Variants in PLXNA4 observed in about 807,000 individuals in gnomAD.
PLXNA4 encodes the protein plexin-A4.
PLXNA4 carries 44 observed loss-of-function variants against 191.8 expected under a neutral mutation model. That is an observed-to-expected ratio of 0.23 (90% CI 0.18 to 0.29). The LOEUF (loss-of-function observed/expected upper bound fraction) is 0.29, where lower values mean the gene tolerates loss of function less well. Ranked by LOEUF, PLXNA4 falls within the 10% of genes least tolerant of loss-of-function variation. PLXNA4 has a pLI of 1.00. For synonymous variants in PLXNA4, 1,082 were observed against 1,009.5 expected, an observed-to-expected ratio of 1.07 and a Z score of -1.36; for missense variants, 1,800 against 2,488.8, an observed-to-expected ratio of 0.72 and a Z score of 5.89.
In PLXNA4 at chr7:132,151,312, AGG is replaced by A. The variant is rs1562884900; in HGVS notation, c.4661-2668_4661-2667del. 1.9e-3 allele frequency among the ~76,000 whole-genome samples: 65 copies of A among 34,482 alleles called. 2 individuals are homozygous for A. The highest frequency in any genetic ancestry group is 5.3e-3 in the Non-Finnish European group (54 of 10,110). 22.6% of individuals were successfully genotyped at this position (34,482 alleles called of 152,430 possible). A position where few individuals can be genotyped will look rare whatever the true frequency, so the allele number is the denominator to read the frequency against. ...GGAGGAAGAAGAAGGAGGAGGAAGAAGGAGGAGGAGGAGGAAGAAGAAGGAGG... is the reference window on the plus strand; with the variant it reads ...GGAGGAAGAAGAAGGAGGAGGAAGAAAGGAGGAGGAGGAAGAAGAAGGAGG... On this transcript the variant is annotated intron_variant, in intron 25 of 31. Coordinates refer to ENST00000321063, the MANE Select transcript of PLXNA4 (RefSeq NM_020911.2).
chr7:132,414,576 C>T (rs2117110138), intron 3 of PLXNA4, among the ~76,000 whole-genome samples: 1 of 152,256 alleles, frequency 6.6e-6, no homozygotes, highest in African/African-American at 2.4e-5. Context: ...GCCATACTCT[C>T]TGTAAAATAT....
chr7:132,424,585 C>T (rs982203361), intron 3 of PLXNA4, among the ~76,000 whole-genome samples: 9 of 152,134 alleles, frequency 5.9e-5, no homozygotes, highest in African/African-American at 1.9e-4. Flanking sequence ...CTCCCTGTGA[C>T]CTGCCCCTCC....
intron 25 of PLXNA4, among the ~76,000 whole-genome samples, chr7:132,153,891 A>G (rs1795716857): frequency 1.3e-5 from 2 of 151,992 alleles, no homozygotes; most frequent in African/African-American, 4.8e-5. Flanking sequence ...AGGCTTTGCA[A>G]TAACCCCACT....
intron 1 of PLXNA4, among the ~76,000 whole-genome samples, chr7:132,536,971 T>C (rs531124155): frequency 6.6e-4 from 100 of 152,320 alleles, no homozygotes; most frequent in African/African-American, 2.1e-3. Flanking sequence ...CTGATCTTCC[T>C]CCCAGGAGCA....
intron 2 of PLXNA4, among the ~76,000 whole-genome samples, chr7:132,605,148 T>C (rs1802899974): frequency 6.6e-6 from 1 of 152,180 alleles, no homozygotes; most frequent in Non-Finnish European, 1.5e-5. Flanking sequence ...ATCCACATTT[T>C]ATTGATGAAG....
chr7:132,594,537 A>C (rs1326715924), intron 2 of PLXNA4, among the ~76,000 whole-genome samples: 1 of 152,194 alleles, frequency 6.6e-6, no homozygotes, highest in Non-Finnish European at 1.5e-5. Context: ...GCAGCTTTCA[A>C]ACTGTTTGAG....
At chr7:132,297,839 T>C (rs543441390) in intron 4 of PLXNA4, among the ~76,000 whole-genome samples, 1 of 152,350 alleles carries the variant, frequency 6.6e-6, no homozygotes, top group Admixed American at 6.5e-5. Context: ...CGAACATATA[T>C]GCATGATTTT....
At chr7:132,612,789 T>C (rs951181780) in intron 2 of PLXNA4, among the ~76,000 whole-genome samples, 3 of 152,168 alleles carry the variant, frequency 2.0e-5, no homozygotes, top group Non-Finnish European at 2.9e-5. Flanking sequence ...TTAGATATTT[T>C]GCAGCACCCC....
chr7:132,563,169 C>T (rs1585349227), intron 1 of PLXNA4, among the ~76,000 whole-genome samples: 1 of 79,722 alleles, frequency 1.3e-5, no homozygotes, highest in Non-Finnish European at 3.0e-5. Flanking sequence ...CCTCCTCCTT[C>T]TCCTCCTCCT....
chr7:132,627,530 A>G (rs976106145), intron 2 of PLXNA4, among the ~76,000 whole-genome samples: 1 of 152,180 alleles, frequency 6.6e-6, no homozygotes, highest in African/African-American at 2.4e-5. Flanking sequence ...TTGAATGTAT[A>G]TGTCCCACAC....
chr7:132,486,463 A>G (rs10264010), intron 3 of PLXNA4, among the ~76,000 whole-genome samples: 15,314 of 152,250 alleles, frequency 0.1, 998 homozygotes, highest in African/African-American at 0.18. Flanking sequence ...TTCCCAACTC[A>G]GACTGTTCCC....
intron 3 of PLXNA4, among the ~76,000 whole-genome samples, chr7:132,430,229 C>T (rs1290411429): frequency 2.0e-5 from 3 of 152,134 alleles, no homozygotes; most frequent in Admixed American, 6.5e-5. Context: ...AGAGGAAAAT[C>T]AGGCACAGGA....
At chr7:132,239,451 G>A (rs776796481) in intron 5 of PLXNA4, among the ~76,000 whole-genome samples, 5 of 152,120 alleles carry the variant, frequency 3.3e-5, no homozygotes, top group African/African-American at 9.7e-5. Flanking sequence ...CAGATTTTCC[G>A]ATTGCCTTTG....
chr7:132,585,557 G>A (rs919974042), intron 2 of PLXNA4, among the ~76,000 whole-genome samples: 3 of 152,214 alleles, frequency 2.0e-5, no homozygotes, highest in Non-Finnish European at 4.4e-5. Context: ...ATCACTAGGA[G>A]TAAGTCTGGA....
chr7:132,294,439 T>A (rs1186005997), intron 4 of PLXNA4, among the ~76,000 whole-genome samples: 1 of 152,206 alleles, frequency 6.6e-6, no homozygotes, highest in Non-Finnish European at 1.5e-5. Context: ...TGGGTCTTCA[T>A]AGGCACTTTG....
At chr7:132,604,584 A>C (rs891748481) in intron 2 of PLXNA4, among the ~76,000 whole-genome samples, 8 of 152,196 alleles carry the variant, frequency 5.3e-5, no homozygotes, top group African/African-American at 1.9e-4. Context: ...CAACTTATGT[A>C]ATATAAGAGA....
At chr7:132,133,319 C>T in intron 30 of PLXNA4, 120 bp from the exon 31 acceptor site, 2 of 1,494,184 alleles carry the variant, frequency 1.3e-6, no homozygotes, top group South Asian at 1.3e-5. Flanking sequence ...GTAGTGGGTA[C>T]TTGTGCTGTG....
At chr7:132,319,325 T>C (rs1374263645) in intron 3 of PLXNA4, among the ~76,000 whole-genome samples, 2 of 152,324 alleles carry the variant, frequency 1.3e-5, no homozygotes, top group Middle Eastern at 3.4e-3. Context: ...TAAGTGCTAC[T>C]GGTGATTCCC....
chr7:132,587,725 G>A (rs1161554950), intron 2 of PLXNA4, among the ~76,000 whole-genome samples: 3 of 151,888 alleles, frequency 2.0e-5, no homozygotes, highest in African/African-American at 7.3e-5. Flanking sequence ...GCCAAGGGTG[G>A]GACGAAGGGA....
Sources: gnomAD v4.1 joint callset for allele counts (sites outside exome capture counted in the v4.1 genomes callset) on GRCh38, gnomAD v4.1.1 for gene constraint, MANE v1.5 for transcripts, NCBI Gene and HGNC (gene_info 2026-07-23, HGNC 2026-07-21) for gene names.